DDC: variants seen among roughly 807,000 people sequenced by gnomAD.
DDC encodes the protein dopa decarboxylase.
DDC carries 43 observed loss-of-function variants against 60.0 expected under a neutral mutation model. That is an observed-to-expected ratio of 0.72 (90% CI 0.56 to 0.92). The LOEUF (loss-of-function observed/expected upper bound fraction) is 0.92. Ranked by LOEUF, DDC falls within the 40% of genes least tolerant of loss-of-function variation. DDC has a pLI of 0.00. For missense variants in DDC, 573 were observed against 620.2 expected (o/e 0.92, Z 0.81); for synonymous variants, 232 against 234.6 (o/e 0.99, Z 0.10).
At chr7:50,539,504 C>T (rs2044537710) in intron 3 of DDC, among the ~76,000 whole-genome samples, 1 of 152,154 alleles carries the variant, frequency 6.6e-6, no homozygotes, top group South Asian at 2.1e-4. Context: ...TGGAGCCTCT[C>T]CCCAGGCAGC....
intron 2 of DDC, chr7:50,543,216 T>TA (rs2044692435): frequency 6.4e-6 from 1 of 156,358 alleles, no homozygotes; most frequent in African/African-American, 2.4e-5. Context: ...AGAGCCACTT[T>TA]AACCAACAGG....
chr7:50,496,327 C>T (rs1248364452), intron 8 of DDC, among the ~76,000 whole-genome samples: 3 of 152,180 alleles, frequency 2.0e-5, no homozygotes, highest in Non-Finnish European at 2.9e-5. Flanking sequence ...GGGCTTAAGC[C>T]GTCCTCTTGC....
At chr7:50,553,364 C>G (rs1364140102) in intron 1 of DDC, among the ~76,000 whole-genome samples, 1 of 152,132 alleles carries the variant, frequency 6.6e-6, no homozygotes, top group Admixed American at 6.5e-5. Context: ...GCTTTTGGGC[C>G]TGAGGCTCTG....
intron 11 of DDC, among the ~76,000 whole-genome samples, chr7:50,474,653 G>A (rs75495166): frequency 0.045 from 6,817 of 152,296 alleles, 321 homozygotes; most frequent in African/African-American, 0.12. Flanking sequence ...ACATAAGCCA[G>A]CATTGCTGGG....
rs112571548 is a variant in DDC, at chr7:50,562,799, T to C, written c.-29+2486A>G. Reference sequence around the variant, plus strand: ...ATGAGGAGGTGCTGATATTTTATTATCATTTATGTATAAATAGTATTTAAT... The same window carrying C: ...ATGAGGAGGTGCTGATATTTTATTACCATTTATGTATAAATAGTATTTAAT... On this transcript the variant is annotated intron_variant, in intron 1 of 14. Coordinates refer to ENST00000444124, the MANE Select transcript of DDC (RefSeq NM_001082971.2). Among the ~76,000 whole-genome samples, 275 of 152,362 alleles carry C rather than the reference T, an allele frequency of 1.8e-3. 3 individuals carry two copies. The highest frequency in any genetic ancestry group is 6.2e-3 in the African/African-American group (258 of 41,582).
At position 50,543,524 on chromosome 7, in the gene DDC, T is replaced by C. The variant is rs553103092; in HGVS notation, c.201+361A>G. ...TGGAAGTGTGCTTTATTTGGGGCAA[T>C]TGACTTATTTGAAAGCAGCCACCAG... On this transcript the variant is annotated intron_variant, in intron 2 of 14. Transcript: ENST00000444124. The C allele has an allele frequency of 1.7e-5, 6 of 353,560 alleles. No individual in the cohort carries two copies. The East Asian group carries it at 4.3e-4, about 25-fold the overall frequency. 21.9% of individuals were successfully genotyped at this position (353,560 alleles called of 1,614,324 possible). A position where few individuals can be genotyped will look rare whatever the true frequency, so the allele number is the denominator to read the frequency against.
intron 6 of DDC, among the ~76,000 whole-genome samples, chr7:50,519,538 C>T (rs1333236513): frequency 2.0e-5 from 3 of 152,168 alleles, no homozygotes; most frequent in Non-Finnish European, 4.4e-5. Flanking sequence ...GGTATATATA[C>T]ATACAATGGA....
intron 6 of DDC, among the ~76,000 whole-genome samples, chr7:50,511,136 A>T (rs1399719517): frequency 4.0e-5 from 6 of 150,924 alleles, no homozygotes; most frequent in Admixed American, 4.0e-4. Flanking sequence ...GAATTTTATG[A>T]ATACATAAAA....
intron 14 of DDC, among the ~76,000 whole-genome samples, chr7:50,459,105 C>G (rs939076014): frequency 1.3e-5 from 2 of 152,256 alleles, no homozygotes; most frequent in African/African-American, 2.4e-5. Flanking sequence ...TGCAGGCGCG[C>G]ACCACCACGC....
At position 50,479,878 on chromosome 7, in the gene DDC, C is replaced by A. The variant is rs755244033; in HGVS notation, c.945-15G>T. On this transcript the variant is annotated splice_polypyrimidine_tract_variant and intron_variant, in intron 9 of 14. Transcript: ENST00000444124. ...TCTTTTTCACCCTGGTTTTAGAGAA[C>A]AAATGAAAGGGCTGATAACCAAGTA... The A allele has an allele frequency of 5.6e-6, 9 of 1,610,566 alleles. No homozygotes were observed. The highest frequency in any genetic ancestry group is 1.8e-4 in the Middle Eastern group (1 of 5,670).
chr7:50,542,186 G>T (rs1418426570), intron 2 of DDC: 1 of 152,156 alleles, frequency 6.6e-6, no homozygotes, highest in Non-Finnish European at 1.5e-5. Context: ...AAAAATCGAT[G>T]TTAATATATT....
intron 12 of DDC, among the ~76,000 whole-genome samples, chr7:50,468,362 A>G (rs1191560947): frequency 6.6e-6 from 1 of 152,252 alleles, no homozygotes; most frequent in Non-Finnish European, 1.5e-5. Context: ...CAGCATGATC[A>G]TAACTAGTTG....
chr7:50,554,667 C>G lies in DDC; in HGVS notation c.-28-10554G>C, dbSNP rs992030636. 6.6e-5 allele frequency among the ~76,000 whole-genome samples: 10 copies of G among 152,148 alleles called. No individual in the cohort carries two copies. The South Asian group carries it at 1.0e-3, about 16-fold the overall frequency. ...ATGAGATAACAGTCAGGGACTAGAG[C>G]CAGAGTTAGTGCTCAGGCCTACTTT... On this transcript the variant is annotated intron_variant, in intron 1 of 14. Transcript: ENST00000444124.
chr7:50,529,263 G>T lies in DDC; in HGVS notation c.515C>A (p.Pro172Gln). 6.2e-7 allele frequency: 1 copy of T among 1,613,990 alleles called. No individual in the cohort carries two copies. Among genetic ancestry groups the T allele is most frequent in the South Asian group, 1.1e-5 (1 of 91,070 alleles). Residue 172 changes from proline to glutamine, a missense_variant, in exon 5 of 15, where the codon CCA becomes CAA. By Grantham distance (76) the Pro-to-Gln change is moderately conservative (BLOSUM62 -1). Transcript: ENST00000444124. Reference sequence around the variant, plus strand: ...CATGATAGCGGCCTGTGTGAGCTCTGGGGACGCTGCCTGCAGCCGATGGAT... The same window carrying T: ...CATGATAGCGGCCTGTGTGAGCTCTTGGGACGCTGCCTGCAGCCGATGGAT... ...KVIHRLQAAS[P>Q]ELTQAAIMEK...
At chr7:50,468,137 G>A (rs1029547421) in intron 12 of DDC, among the ~76,000 whole-genome samples, 1 of 152,266 alleles carries the variant, frequency 6.6e-6, no homozygotes, top group Non-Finnish European at 1.5e-5. Flanking sequence ...GAAACGCGGC[G>A]CCTCGCGGGC....
intron 6 of DDC, among the ~76,000 whole-genome samples, chr7:50,511,787 T>A (rs1047220278): frequency 6.6e-6 from 1 of 151,832 alleles, no homozygotes; most frequent in African/African-American, 2.4e-5. Context: ...GAAGAAAAGA[T>A]GGAATTCTAT....
chr7:50,541,050 A>G (rs552879119), intron 2 of DDC, among the ~76,000 whole-genome samples: 1 of 152,336 alleles, frequency 6.6e-6, no homozygotes, highest in African/African-American at 2.4e-5. Context: ...TAAAGCCCTC[A>G]GGACAACCCT....
At chr7:50,527,436 AATCTAT>A (rs1221813807) in intron 6 of DDC, among the ~76,000 whole-genome samples, 1 of 152,212 alleles carries the variant, frequency 6.6e-6, no homozygotes, top group Non-Finnish European at 1.5e-5. Context: ...ATTTAAATAG[AATCTAT>A]TCAAATTGTA....
At chr7:50,534,768 C>A (rs1176164449) in intron 4 of DDC, among the ~76,000 whole-genome samples, 1 of 152,222 alleles carries the variant, frequency 6.6e-6, no homozygotes, top group Admixed American at 6.5e-5. Flanking sequence ...CAAAACCACG[C>A]CCTCTGCAGG....
Sources: gnomAD v4.1 joint callset for allele counts (sites outside exome capture counted in the v4.1 genomes callset) on GRCh38, gnomAD v4.1.1 for gene constraint, MANE v1.5 for transcripts, NCBI Gene and HGNC (gene_info 2026-07-23, HGNC 2026-07-21) for gene names.